The following ARIH1 variants were observed in gnomAD, a reference collection of about 807,000 sequenced individuals.
ARIH1 encodes E3 ubiquitin-protein ligase ARIH1.
ARIH1 carries 8 observed loss-of-function variants against 85.0 expected under a neutral mutation model. That is an observed-to-expected ratio of 0.09 (90% CI 0.06 to 0.17). The LOEUF (loss-of-function observed/expected upper bound fraction) is 0.17. ARIH1 is among the 10% of genes least tolerant of loss of function. The pLI, the probability that ARIH1 is intolerant of heterozygous loss-of-function variation, is 1.00. For missense variants in ARIH1, 311 were observed against 718.1 expected, an observed-to-expected ratio of 0.43 and a Z score of 6.48; for synonymous variants, 238 against 253.6, an observed-to-expected ratio of 0.94 and a Z score of 0.59.
At chr15:72,505,335 T>C (rs951364826) in intron 1 of ARIH1, among the ~76,000 whole-genome samples, 1 of 152,216 alleles carries the variant, frequency 6.6e-6, no homozygotes. Context: ...TACCATATCA[T>C]AGAAATTTAC....
Position 72,570,315 on chromosome 15 carries a change from GGGGAAATTAA to G in ARIH1, c.1157+14_1157+23del. On this transcript the variant is annotated intron_variant, in intron 10 of 13. Coordinates refer to ENST00000379887, the MANE Select transcript of ARIH1 (RefSeq NM_005744.5). ...ACCACATGGATCTGCCTGGTAGGTT[GGGGAAATTAA>G]GGGAAGAATGTGTTTACATAAGTAT... 1 of 1,613,632 alleles carries G rather than the reference GGGGAAATTAA, an allele frequency of 6.2e-7. No individual in the cohort carries two copies. Among genetic ancestry groups the G allele is most frequent in the Non-Finnish European group, 8.5e-7 (1 of 1,179,806 alleles).
In ARIH1 at chr15:72,589,500, T is replaced by TA. The variant is rs1171298652; in HGVS notation, c.*6209dup. Reference sequence around the variant, plus strand: ...GTCTACTATCTGTACATCATTCTCTTACAGCTCTTACTGCTGCTTTTCCTG... The same window carrying TA: ...GTCTACTATCTGTACATCATTCTCTTAACAGCTCTTACTGCTGCTTTTCCTG... On this transcript the variant is annotated 3_prime_UTR_variant, in exon 14 of 14. Coordinates refer to ENST00000379887, the MANE Select transcript of ARIH1 (RefSeq NM_005744.5). 2 of 152,226 alleles carry TA rather than the reference T, an allele frequency of 1.3e-5. No individual in the cohort carries two copies. The highest frequency in any genetic ancestry group is 2.9e-5 in the Non-Finnish European group (2 of 68,044). 9.4% of individuals were successfully genotyped at this position (152,226 alleles called of 1,614,324 possible).
chr15:72,547,333 A>G lies in ARIH1; in HGVS notation c.588+2369A>G, dbSNP rs188786600. 3.5e-3 allele frequency among the ~76,000 whole-genome samples: 516 copies of G among 146,506 alleles called. 2 individuals are homozygous for G. Among genetic ancestry groups the G allele is most frequent in the African/African-American group, 7.5e-3 (295 of 39,462 alleles). On this transcript the variant is annotated intron_variant, in intron 3 of 13. Transcript: ENST00000379887. ...CTGCAGCCTGCGCCTCCTGGGTTCA[A>G]GTGATTCTCCTGCCTCAGCCTCCCG...
chr15:72,551,645 A>C (rs1376387016), intron 3 of ARIH1, among the ~76,000 whole-genome samples: 1 of 152,196 alleles, frequency 6.6e-6, no homozygotes, highest in Non-Finnish European at 1.5e-5. Context: ...ACAAGCGGTA[A>C]ATTTAAACGG....
intron 1 of ARIH1, among the ~76,000 whole-genome samples, chr15:72,507,167 C>T (rs186119898): frequency 2.8e-4 from 42 of 152,178 alleles, no homozygotes; most frequent in Middle Eastern, 3.4e-3. Flanking sequence ...GGACTATAGG[C>T]GCACACCACC....
At chr15:72,475,978 C>G (rs923130873) in intron 1 of ARIH1, among the ~76,000 whole-genome samples, 5 of 152,010 alleles carry the variant, frequency 3.3e-5, no homozygotes, top group Non-Finnish European at 7.4e-5. Context: ...CCTGAGGAGT[C>G]AGGGATATGG....
Position 72,474,374 on chromosome 15 carries a change from T to C in ARIH1, c.-266T>C. 6.3e-6 allele frequency: 3 copies of C among 474,962 alleles called. No homozygotes were observed. Among genetic ancestry groups the C allele is most frequent in the Admixed American group, 8.7e-5 (2 of 22,946 alleles). 29.4% of individuals were successfully genotyped at this position (474,962 alleles called of 1,614,324 possible). A position where few individuals can be genotyped will look rare whatever the true frequency, so the allele number is the denominator to read the frequency against. On this transcript the variant is annotated 5_prime_UTR_variant, in exon 1 of 14. Transcript: ENST00000379887. ...GTGGAGGTGGCGTTGGGGACTGTTT[T>C]CTCTCGGAGGCCGGAGCGGAGCCGC... is the stretch of plus-strand genomic sequence containing the variant.
intron 3 of ARIH1, among the ~76,000 whole-genome samples, chr15:72,553,382 C>CT: frequency 6.6e-6 from 1 of 152,154 alleles, no homozygotes; most frequent in East Asian, 1.9e-4. Context: ...CTGAATAAAT[C>CT]TTTTCATAAC....
intron 1 of ARIH1, among the ~76,000 whole-genome samples, chr15:72,493,983 G>C (rs2706451): frequency 0.96 from 145,817 of 152,184 alleles, 70,177 homozygotes; most frequent in East Asian, 1. Flanking sequence ...CCTCAACTAC[G>C]TGGTTCCCTC....
At chr15:72,509,233 A>T (rs919452904) in intron 1 of ARIH1, among the ~76,000 whole-genome samples, 1 of 152,048 alleles carries the variant, frequency 6.6e-6, no homozygotes, top group Admixed American at 6.5e-5. Flanking sequence ...TTAAGTGATC[A>T]CCTGCCTCGG....
chr15:72,569,774 G>A (rs1025915298), intron 9 of ARIH1, among the ~76,000 whole-genome samples: 1 of 152,076 alleles, frequency 6.6e-6, no homozygotes, highest in Admixed American at 6.6e-5. Flanking sequence ...ATGACTAAAA[G>A]TACTTAAAAT....
chr15:72,478,240 C>T (rs565482915), intron 1 of ARIH1, among the ~76,000 whole-genome samples: 15 of 152,078 alleles, frequency 9.9e-5, no homozygotes, highest in Non-Finnish European at 1.5e-4. Flanking sequence ...CTGAGCCTCC[C>T]GAGTAGCTGG....
intron 1 of ARIH1, among the ~76,000 whole-genome samples, chr15:72,478,662 T>C (rs1017142643): frequency 2.6e-5 from 4 of 152,194 alleles, no homozygotes; most frequent in African/African-American, 7.2e-5. Context: ...CCAGAGATTC[T>C]TACTCATTAA....
Position 72,592,264 on chromosome 15 carries a change from G to A in ARIH1, c.*8972G>A, listed in dbSNP as rs1397949575. 1.3e-5 allele frequency: 2 copies of A among 152,176 alleles called. No individual in the cohort carries two copies. Among genetic ancestry groups the A allele is most frequent in the Non-Finnish European group, 2.9e-5 (2 of 68,044 alleles). The allele number at this position is 152,176 out of a possible 1,614,324, so 9.4% of individuals were successfully genotyped here. On this transcript the variant is annotated 3_prime_UTR_variant, in exon 14 of 14. Coordinates refer to ENST00000379887, the MANE Select transcript of ARIH1 (RefSeq NM_005744.5). ...TCTAAATGCTATCTCTGGGACACTG[G>A]ATTGTGTGCTCTTTAAGATAAATTC... is the stretch of plus-strand genomic sequence containing the variant.
intron 11 of ARIH1, chr15:72,580,454 G>T: frequency 5.0e-6 from 2 of 401,364 alleles, no homozygotes; most frequent in Non-Finnish European, 4.5e-6. Context: ...CACAGTAGTG[G>T]GATTGCTGGA....
chr15:72,513,537 T>C (rs1567343603), intron 1 of ARIH1, among the ~76,000 whole-genome samples: 1 of 152,150 alleles, frequency 6.6e-6, no homozygotes, highest in South Asian at 2.1e-4. Context: ...AGAAAAATAG[T>C]GTATAATATT....
intron 3 of ARIH1, among the ~76,000 whole-genome samples, chr15:72,548,767 A>G (rs1459593557): frequency 1.3e-5 from 2 of 152,164 alleles, no homozygotes; most frequent in Non-Finnish European, 2.9e-5. Context: ...TAACTCCCAC[A>G]TTTTACTACT....
chr15:72,545,482 A>G (rs1223569687), intron 3 of ARIH1, among the ~76,000 whole-genome samples: 1 of 152,182 alleles, frequency 6.6e-6, no homozygotes, highest in African/African-American at 2.4e-5. Context: ...ATAGCAAGAG[A>G]ACCAAAGAAC....
At chr15:72,485,662 C>T (rs963360421) in intron 1 of ARIH1, among the ~76,000 whole-genome samples, 2 of 151,836 alleles carry the variant, frequency 1.3e-5, no homozygotes, top group Admixed American at 6.6e-5. Context: ...ATTTTTCTTC[C>T]TGAGGTTAAT....
Sources: allele counts gnomAD v4.1 joint callset (sites outside exome capture counted in the v4.1 genomes callset), GRCh38; gene constraint gnomAD v4.1.1; transcripts MANE v1.5; gene names NCBI Gene and HGNC (gene_info 2026-07-23, HGNC 2026-07-21).